Variants in RAB38 observed in about 807,000 individuals in gnomAD.
RAB38 encodes the protein RAB38, member RAS oncogene family.
RAB38 carries 15 observed loss-of-function variants against 18.4 expected under a neutral mutation model. The observed-to-expected ratio is 0.82, with a 90% CI of 0.55 to 1.26. The LOEUF is 1.26. RAB38 is among the 50% of genes most tolerant of loss of function. The pLI is 0.00. For missense variants in RAB38, 294 were observed against 267.4 expected (o/e 1.10, Z -0.69); for synonymous variants, 101 against 104.4 (o/e 0.97, Z 0.20).
the RAB38 span, among the ~76,000 whole-genome samples, chr11:87,971,512 C>A: frequency 1.3e-4 from 20 of 152,124 alleles, no homozygotes; most frequent in Admixed American, 9.8e-4. Context: ...ACCTCCCTTC[C>A]CGTCACACCT....
At chr11:87,955,468 C>T in the RAB38 span, among the ~76,000 whole-genome samples, 1 of 152,100 alleles carries the variant, frequency 6.6e-6, no homozygotes, top group Non-Finnish European at 1.5e-5. Context: ...AATATACCCA[C>T]ATAACGAACC....
the RAB38 span, among the ~76,000 whole-genome samples, chr11:87,974,873 C>T: frequency 0.075 from 11,324 of 151,776 alleles, 518 homozygotes; most frequent in South Asian, 0.15. Context: ...TTTAGAGCAA[C>T]GAATTCATTT....
chr11:87,961,450 C>A, the RAB38 span, among the ~76,000 whole-genome samples: 2 of 152,122 alleles, frequency 1.3e-5, no homozygotes, highest in Non-Finnish European at 2.9e-5. Context: ...CACAGCCGTG[C>A]AAGTGGCCAG....
chr11:88,013,178 C>T, the RAB38 span, among the ~76,000 whole-genome samples: 1 of 151,166 alleles, frequency 6.6e-6, no homozygotes, highest in Non-Finnish European at 1.5e-5. Context: ...CAGAATGAAA[C>T]TTTAATAGTT....
At chr11:87,889,501 T>G in the RAB38 span, among the ~76,000 whole-genome samples, 2 of 151,686 alleles carry the variant, frequency 1.3e-5, no homozygotes, top group East Asian at 3.9e-4. Context: ...TCAATAATAA[T>G]GATAATAATT....
the RAB38 span, among the ~76,000 whole-genome samples, chr11:88,005,456 A>T: frequency 4.0e-5 from 6 of 151,492 alleles, no homozygotes; most frequent in Admixed American, 2.6e-4. Context: ...AATGAGCTTC[A>T]CTCCTACGTC....
chr11:87,953,585 T>C, the RAB38 span, among the ~76,000 whole-genome samples: 3 of 152,138 alleles, frequency 2.0e-5, no homozygotes, highest in Admixed American at 6.5e-5. Context: ...TATTATTATT[T>C]ATTGTTAATC....
At chr11:88,036,808 G>T in the RAB38 span, among the ~76,000 whole-genome samples, 1 of 151,782 alleles carries the variant, frequency 6.6e-6, no homozygotes, top group East Asian at 1.9e-4. Flanking sequence ...TACATTAATA[G>T]ATTTCTTAAT....
chr11:87,956,983 T>G, the RAB38 span, among the ~76,000 whole-genome samples: 7 of 149,080 alleles, frequency 4.7e-5, no homozygotes, highest in African/African-American at 1.5e-4. Context: ...TGCAGTTTTT[T>G]GGGGGGGGGT....
At chr11:88,130,057 T>C (rs1374089387) in intron 2 of RAB38, among the ~76,000 whole-genome samples, 3 of 152,026 alleles carry the variant, frequency 2.0e-5, no homozygotes, top group Non-Finnish European at 4.4e-5. Flanking sequence ...TTCCACAAAC[T>C]GGAAAATAGA....
chr11:88,114,285 G>A, intron 2 of RAB38, 145 bp from the exon 3 acceptor site: 1 of 871,906 alleles, frequency 1.1e-6, no homozygotes, highest in Non-Finnish European at 1.7e-6. Flanking sequence ...ACTCTTATTT[G>A]TTCCTTCAAA....
chr11:87,819,980 G>A, the RAB38 span, among the ~76,000 whole-genome samples: 25 of 151,956 alleles, frequency 1.6e-4, no homozygotes, highest in African/African-American at 6.0e-4. Flanking sequence ...TTATACAGGA[G>A]GCCAATTTTA....
the RAB38 span, among the ~76,000 whole-genome samples, chr11:87,931,948 T>TGGGGG: frequency 6.7e-6 from 1 of 149,810 alleles, no homozygotes; most frequent in Admixed American, 6.7e-5. Context: ...AGGGGTGGGG[T>TGGGGG]GGGGTGGTGA....
the RAB38 span, among the ~76,000 whole-genome samples, chr11:87,867,584 G>A: frequency 7.2e-5 from 11 of 151,832 alleles, no homozygotes; most frequent in South Asian, 2.3e-3. Flanking sequence ...TCTCAAAATT[G>A]CACAGATGTG....
At chr11:87,893,526 G>A in the RAB38 span, among the ~76,000 whole-genome samples, 2 of 150,764 alleles carry the variant, frequency 1.3e-5, no homozygotes, top group Non-Finnish European at 3.0e-5. Flanking sequence ...TAGTAAAAAA[G>A]CAAAACATTA....
At chr11:87,860,713 A>C in the RAB38 span, among the ~76,000 whole-genome samples, 15 of 151,956 alleles carry the variant, frequency 9.9e-5, no homozygotes, top group Non-Finnish European at 1.9e-4. Flanking sequence ...AAAACTTCAA[A>C]TTGTTTTGAT....
At chr11:87,885,544 T>C in the RAB38 span, among the ~76,000 whole-genome samples, 1 of 152,026 alleles carries the variant, frequency 6.6e-6, no homozygotes, top group African/African-American at 2.4e-5. Context: ...ATGCAATGCC[T>C]GACACTGGAA....
the RAB38 span, among the ~76,000 whole-genome samples, chr11:87,844,603 C>T: frequency 1.3e-5 from 2 of 152,166 alleles, no homozygotes; most frequent in African/African-American, 4.8e-5. Context: ...TAATTTATCT[C>T]AGGTTTCTTA....
the RAB38 span, among the ~76,000 whole-genome samples, chr11:87,954,552 T>C: frequency 2.6e-5 from 4 of 151,644 alleles, no homozygotes; most frequent in Non-Finnish European, 5.9e-5. Context: ...AGGAACAGCC[T>C]TGTTGAGAAA....
Sources: allele counts gnomAD v4.1 joint callset (sites outside exome capture counted in the v4.1 genomes callset), GRCh38; gene constraint gnomAD v4.1.1; transcripts MANE v1.5; gene names NCBI Gene and HGNC (gene_info 2026-07-23, HGNC 2026-07-21).